Variants in SGCD observed in about 807,000 individuals in gnomAD.
The protein encoded by SGCD is delta-sarcoglycan.
A neutral mutation model predicts 36.6 loss-of-function variants in SGCD; 18 were observed. The ratio of observed to expected loss-of-function variants is 0.49; its 90% CI spans 0.34 to 0.73. The LOEUF (loss-of-function observed/expected upper bound fraction) is 0.73. Ranked by LOEUF, SGCD falls within the 30% of genes least tolerant of loss-of-function variation. SGCD has a pLI of 0.01. For synonymous variants in SGCD, 133 were observed against 130.6 expected (o/e 1.02, Z -0.12); for missense variants, 387 against 346.7 (o/e 1.12, Z -0.92).
chr5:156,663,917 G>T (rs1581358976), intron 7 of SGCD, among the ~76,000 whole-genome samples: 1 of 48,130 alleles, frequency 2.1e-5, no homozygotes, highest in Non-Finnish European at 3.5e-5. Context: ...GCCCCAGTTT[G>T]TTGTGGGGCC....
At chr5:156,035,153 T>C (rs557677991) in intron 1 of SGCD, among the ~76,000 whole-genome samples, 1 of 152,330 alleles carries the variant, frequency 6.6e-6, no homozygotes, top group South Asian at 2.1e-4. Context: ...AAAGTTTTCC[T>C]CGGTGAGTCT....
chr5:156,208,515 G>C (rs552170487), intron 3 of SGCD, among the ~76,000 whole-genome samples: 2 of 152,246 alleles, frequency 1.3e-5, no homozygotes, highest in Non-Finnish European at 2.9e-5. Flanking sequence ...GGGTGATATA[G>C]GTGTATCATC....
chr5:156,088,158 T>A (rs985290634), intron 1 of SGCD, among the ~76,000 whole-genome samples: 1 of 152,198 alleles, frequency 6.6e-6, no homozygotes, highest in Non-Finnish European at 1.5e-5. Flanking sequence ...TTAAGTGTCC[T>A]GCTGATTTGT....
intron 3 of SGCD, among the ~76,000 whole-genome samples, chr5:156,472,137 C>T (rs1406102977): frequency 1.3e-5 from 2 of 152,280 alleles, no homozygotes; most frequent in Non-Finnish European, 2.9e-5. Context: ...GTAACTGAAA[C>T]TCTCATACCT....
the SGCD span, among the ~76,000 whole-genome samples, chr5:155,737,439 C>G: frequency 6.6e-6 from 1 of 152,204 alleles, no homozygotes; most frequent in Non-Finnish European, 1.5e-5. Context: ...AAAAATCATA[C>G]TCTTACTATA....
upstream of SGCD, among the ~76,000 whole-genome samples, chr5:155,869,883 C>T (rs540338366): frequency 6.6e-6 from 1 of 152,176 alleles, no homozygotes; most frequent in Admixed American, 6.5e-5. Context: ...CCTGTAGTCC[C>T]AGTGACTCAG....
At position 156,517,245 on chromosome 5, in the gene SGCD, C is replaced by T. The variant is rs142243600; in HGVS notation, c.294+8543C>T. Among the ~76,000 whole-genome samples, 691 of 152,006 alleles carry T rather than the reference C, an allele frequency of 4.5e-3. 2 individuals are homozygous for T. Among genetic ancestry groups the T allele is most frequent in the African/African-American group, 0.015 (622 of 41,436 alleles). On this transcript the variant is annotated intron_variant, in intron 4 of 8. Coordinates refer to ENST00000337851, the MANE Select transcript of SGCD (RefSeq NM_000337.6). ...CTAAGTGGAGGAAAGAATCTCAGAG[C>T]CTGAAGACTATCTTACTGAAATAAG...
chr5:155,759,428 C>T, the SGCD span, among the ~76,000 whole-genome samples: 1 of 152,082 alleles, frequency 6.6e-6, no homozygotes, highest in African/African-American at 2.4e-5. Context: ...TAACTTTCTA[C>T]ATAGATGATA....
chr5:156,594,869 G>T, intron 5 of SGCD, 63 bp from the exon 6 acceptor site: 1 of 1,079,878 alleles, frequency 9.3e-7, no homozygotes, highest in Admixed American at 2.0e-5. Flanking sequence ...TGAGACTAAT[G>T]GTGTTTTCTC....
At chr5:156,632,293 G>T (rs891442997) in intron 6 of SGCD, among the ~76,000 whole-genome samples, 1 of 152,072 alleles carries the variant, frequency 6.6e-6, no homozygotes, top group African/African-American at 2.4e-5. Flanking sequence ...GTATCCTGGG[G>T]GTGGGGGAGG....
At chr5:156,300,223 TTTTA>T (rs757399291) in intron 3 of SGCD, among the ~76,000 whole-genome samples, 2 of 152,056 alleles carry the variant, frequency 1.3e-5, no homozygotes, top group Non-Finnish European at 2.9e-5. Flanking sequence ...AAGTGTTTCC[TTTTA>T]TTTATTTATT....
At chr5:156,275,266 G>A (rs1766285734) in intron 3 of SGCD, among the ~76,000 whole-genome samples, 1 of 152,090 alleles carries the variant, frequency 6.6e-6, no homozygotes, top group African/African-American at 2.4e-5. Context: ...AGATGTTCAA[G>A]TCCAGGATAG....
chr5:156,587,918 A>T (rs1457997487), intron 4 of SGCD, among the ~76,000 whole-genome samples: 2 of 151,200 alleles, frequency 1.3e-5, no homozygotes, highest in Admixed American at 1.3e-4. Context: ...AGAATATAAG[A>T]CTTAGAAGGT....
At chr5:156,597,638 T>A (rs1005759887) in intron 6 of SGCD, among the ~76,000 whole-genome samples, 1 of 152,174 alleles carries the variant, frequency 6.6e-6, no homozygotes, top group Non-Finnish European at 1.5e-5. Context: ...TCGGTGAGGA[T>A]TTGAAAGGGG....
At chr5:156,454,666 G>A (rs766273116) in intron 3 of SGCD, among the ~76,000 whole-genome samples, 13 of 152,130 alleles carry the variant, frequency 8.5e-5, no homozygotes, top group Non-Finnish European at 4.4e-5. Flanking sequence ...AGGTGAGCCA[G>A]GCATGGTTCT....
intron 3 of SGCD, among the ~76,000 whole-genome samples, chr5:156,442,145 T>A (rs751636483): frequency 6.6e-6 from 1 of 152,312 alleles, no homozygotes; most frequent in South Asian, 2.1e-4. Flanking sequence ...GGTTGTTTTT[T>A]CAGGGCAGAG....
intron 4 of SGCD, among the ~76,000 whole-genome samples, chr5:156,524,175 T>C (rs1361716060): frequency 1.3e-5 from 1 of 76,116 alleles, no homozygotes; most frequent in Admixed American, 1.7e-4. Context: ...CAGTTTTATA[T>C]AGGTCTTACT....
the SGCD span, among the ~76,000 whole-genome samples, chr5:155,750,852 C>T: frequency 6.6e-6 from 1 of 152,084 alleles, no homozygotes; most frequent in Non-Finnish European, 1.5e-5. Context: ...TTCATAACAG[C>T]CCTTACCCCC....
intron 1 of SGCD, among the ~76,000 whole-genome samples, chr5:156,007,951 G>A (rs1024122151): frequency 3.3e-5 from 5 of 152,188 alleles, no homozygotes; most frequent in Admixed American, 6.5e-5. Context: ...CTCCCACGAT[G>A]TAATGATTTT....
Sources: allele counts gnomAD v4.1 joint callset (sites outside exome capture counted in the v4.1 genomes callset), GRCh38; gene constraint gnomAD v4.1.1; transcripts MANE v1.5; gene names NCBI Gene and HGNC (gene_info 2026-07-23, HGNC 2026-07-21).